FAM131C: variants seen among roughly 807,000 people sequenced by gnomAD.
FAM131C encodes the protein protein FAM131C.
FAM131C carries 14 observed loss-of-function variants against 29.8 expected under a neutral mutation model. That is an observed-to-expected ratio of 0.47 (90% CI 0.31 to 0.73). FAM131C has a LOEUF of 0.73. FAM131C is among the 30% of genes least tolerant of loss of function. The pLI is 0.05. For synonymous variants in FAM131C, 86 were observed against 157.8 expected, an observed-to-expected ratio of 0.54 and a Z score of 3.41; for missense variants, 252 against 383.8, an observed-to-expected ratio of 0.66 and a Z score of 2.87.
rs764288909 is a variant in FAM131C at position 16,059,883 on chromosome 1, G to T, written c.437C>A (p.Ala146Asp). The change falls in exon 5 of 7, where the codon GCC becomes GAC. Residue 146 changes from alanine to aspartate, a missense_variant. Ala to Asp is a moderately radical substitution (Grantham distance 126). This residue lies in a region of FAM131C where 38 missense variants were observed against 32.7 expected (regional missense o/e 1.16). Coordinates refer to ENST00000375662, the MANE Select transcript of FAM131C (RefSeq NM_182623.3). ...YCCLPDELRE[A>D]RFAAGVAEQF... ...TCCTCGCTGACCTGCAGCAAAGCGGGCCTCACGCAGCTCATCCGGGAGGCA... is the reference window on the plus strand; with the variant it reads ...TCCTCGCTGACCTGCAGCAAAGCGGTCCTCACGCAGCTCATCCGGGAGGCA... 9.6e-6 allele frequency: 12 copies of T among 1,244,986 alleles called. No individual in the cohort carries two copies. In the East Asian group the frequency reaches 7.6e-4, roughly 79 times the overall value. The allele number at this position is 1,244,986 out of a possible 1,614,324, so 77.1% of individuals were successfully genotyped here. A position where few individuals can be genotyped will look rare whatever the true frequency, so the allele number is the denominator to read the frequency against.
At chr1:16,069,122 T>C (rs2023719155) in intron 1 of FAM131C, among the ~76,000 whole-genome samples, 1 of 152,194 alleles carries the variant, frequency 6.6e-6, no homozygotes, top group Non-Finnish European at 1.5e-5. Context: ...GGTCACCTGC[T>C]AATAAGCAGC....
At position 16,058,505 on chromosome 1, in the gene FAM131C, G is replaced by A. The variant is rs1262787341; in HGVS notation, c.775C>T (p.Pro259Ser). 6.6e-7 allele frequency: 1 copy of A among 1,512,996 alleles called. No individual in the cohort carries two copies. The highest frequency in any genetic ancestry group is 1.3e-5 in the South Asian group (1 of 77,562). The allele number at this position is 1,512,996 out of a possible 1,614,324, so 93.7% of individuals were successfully genotyped here. A position where few individuals can be genotyped will look rare whatever the true frequency, so the allele number is the denominator to read the frequency against. ...TCCATGGAGGGGAGGGAGCCCGGGG[G>A]GTGGGTCCCACCCTCGGGTCCTTGG... ...GAQGPEGGTH[P>S]PGSLPSMDSG... Residue 259 changes from proline (P) to serine (S), a missense_variant, in exon 7 of 7, where the codon CCC becomes TCC. Physicochemically the swap from Pro to Ser is moderately conservative, Grantham distance 74. This residue lies in a region of FAM131C where 42 missense variants were observed against 51.7 expected (regional missense o/e 0.81). Transcript: ENST00000375662.
At chr1:16,068,848 C>A (rs1456750297) in intron 1 of FAM131C, among the ~76,000 whole-genome samples, 2 of 152,210 alleles carry the variant, frequency 1.3e-5, no homozygotes, top group Admixed American at 1.3e-4. Context: ...TCCAGCCTCA[C>A]CTCCCACAAG....
chr1:16,060,925 G>A (rs549754912), intron 4 of FAM131C, among the ~76,000 whole-genome samples: 3 of 152,164 alleles, frequency 2.0e-5, no homozygotes, highest in Non-Finnish European at 4.4e-5. Context: ...CCCAGCAACA[G>A]ACAAGGCAAG....
chr1:16,059,203 A>G (rs2019460), intron 6 of FAM131C, among the ~76,000 whole-genome samples: 142,229 of 146,696 alleles, frequency 0.97, 68,903 homozygotes, highest in African/African-American at 0.98. Context: ...GGGGACAACA[A>G]GACCCACTCC....
chr1:16,066,928 G>A (rs2023690176), intron 1 of FAM131C, among the ~76,000 whole-genome samples: 1 of 152,218 alleles, frequency 6.6e-6, no homozygotes, highest in African/African-American at 2.4e-5. Context: ...AGGAACTTGA[G>A]AGGTGTTAGG....
rs2023713946 is a variant in FAM131C at position 16,068,797 on chromosome 1, C to T, written c.22+4624G>A. On this transcript the variant is annotated intron_variant, in intron 1 of 6. Coordinates refer to ENST00000375662, the MANE Select transcript of FAM131C (RefSeq NM_182623.3). ...GCTCCTCCCCACTTCCTTCCCCAGG[C>T]TCCCTCCCATCCTGTGACCTGGCCT... is the stretch of plus-strand genomic sequence containing the variant. Among the ~76,000 whole-genome samples, 3 of 152,192 alleles carry T rather than the reference C, an allele frequency of 2.0e-5. No individual in the cohort carries two copies. The South Asian group carries it at 6.2e-4, about 31-fold the overall frequency.
At position 16,072,635 on chromosome 1, in the gene FAM131C, A is replaced by C. The variant is rs539831117; in HGVS notation, c.22+786T>G. 1.4e-4 allele frequency among the ~76,000 whole-genome samples: 22 copies of C among 152,184 alleles called. 1 individual carries two copies. In the South Asian group the frequency reaches 4.3e-3, roughly 30 times the overall value. ...GGTGGGGGTGGAGGTAGGGGGCTCC[A>C]AAGACCAAACTGCCCATCCCCCAAT... On this transcript the variant is annotated intron_variant, in intron 1 of 6. Transcript: ENST00000375662.
chr1:16,070,607 C>G (rs2023738564), intron 1 of FAM131C, among the ~76,000 whole-genome samples: 1 of 152,096 alleles, frequency 6.6e-6, no homozygotes, highest in Admixed American at 6.5e-5. Flanking sequence ...GCCTGGGCAA[C>G]ATAGTGAGAG....
intron 1 of FAM131C, among the ~76,000 whole-genome samples, chr1:16,067,391 G>A (rs563248417): frequency 7.9e-5 from 12 of 152,276 alleles, no homozygotes; most frequent in South Asian, 6.2e-4. Context: ...CGAAGGGACC[G>A]CTAGCACCTG....
intron 1 of FAM131C, among the ~76,000 whole-genome samples, chr1:16,065,564 G>C (rs899939376): frequency 6.6e-6 from 1 of 152,228 alleles, no homozygotes; most frequent in Non-Finnish European, 1.5e-5. Context: ...GGCACCACCT[G>C]TGGCTCTTTC....
At chr1:16,070,290 A>G (rs1246103722) in intron 1 of FAM131C, among the ~76,000 whole-genome samples, 3 of 152,254 alleles carry the variant, frequency 2.0e-5, no homozygotes, top group East Asian at 1.9e-4. Flanking sequence ...AACAAACGGT[A>G]GCTTAAAAAT....
chr1:16,059,041 G>T (rs1291287669), intron 6 of FAM131C, among the ~76,000 whole-genome samples: 8 of 151,948 alleles, frequency 5.3e-5, no homozygotes, highest in Non-Finnish European at 7.4e-5. Flanking sequence ...CAGGGCCAAG[G>T]CTCCTTGAAG....
At chr1:16,066,002 C>T (rs2023677878) in intron 1 of FAM131C, among the ~76,000 whole-genome samples, 2 of 152,076 alleles carry the variant, frequency 1.3e-5, no homozygotes, top group East Asian at 1.9e-4. Context: ...CAGATTCAAG[C>T]GATTCTCCTG....
Position 16,063,314 on chromosome 1 carries a change from T to C in FAM131C, c.138+207A>G, listed in dbSNP as rs1026163578. ...AAGACCTTCAGGGTGGTTGGTCTTC[T>C]AAACAAGCCTGGTCCAGTCCCTGGA... On this transcript the variant is annotated intron_variant, in intron 2 of 6. Transcript: ENST00000375662. 8.5e-5 allele frequency among the ~76,000 whole-genome samples: 12 copies of C among 140,582 alleles called. No homozygotes were observed. The East Asian group carries it at 2.3e-3, about 27-fold the overall frequency. 92.2% of individuals were successfully genotyped at this position (140,582 alleles called of 152,430 possible). A position where few individuals can be genotyped will look rare whatever the true frequency, so the allele number is the denominator to read the frequency against.
chr1:16,060,100 G>A (rs774814681), intron 4 of FAM131C, 49 bp from the exon 5 acceptor site: 159 of 997,960 alleles, frequency 1.6e-4, no homozygotes, highest in East Asian at 7.6e-4. Context: ...AAGGCTCAGC[G>A]CAGGGCCTGG....
intron 1 of FAM131C, among the ~76,000 whole-genome samples, chr1:16,064,033 C>T (rs80354085): frequency 0.037 from 5,663 of 152,014 alleles, 125 homozygotes; most frequent in African/African-American, 0.053. Flanking sequence ...CCTCTCACCC[C>T]GGTTTGGGTC....
At chr1:16,066,014 C>T (rs1031887385) in intron 1 of FAM131C, among the ~76,000 whole-genome samples, 2 of 152,150 alleles carry the variant, frequency 1.3e-5, no homozygotes, top group African/African-American at 4.8e-5. Flanking sequence ...ATTCTCCTGC[C>T]TCAGCCTCCT....
At chr1:16,061,381 C>T (rs1230142350) in intron 4 of FAM131C, among the ~76,000 whole-genome samples, 2 of 152,062 alleles carry the variant, frequency 1.3e-5, no homozygotes, top group Non-Finnish European at 2.9e-5. Flanking sequence ...AGTGCTGGGG[C>T]CACCTGATGC....
Sources: allele counts gnomAD v4.1 joint callset (sites outside exome capture counted in the v4.1 genomes callset), GRCh38; gene constraint gnomAD v4.1.1; regional missense constraint gnomAD v4.1.1; transcripts MANE v1.5; gene names NCBI Gene and HGNC (gene_info 2026-07-23, HGNC 2026-07-21).